CDS1: variants seen among roughly 807,000 people sequenced by gnomAD.
CDS1 encodes phosphatidate cytidylyltransferase 1.
In CDS1, 41 loss-of-function variants were observed where a neutral mutation model predicts 62.1. That is an observed-to-expected ratio of 0.66 (90% CI 0.51 to 0.86). The LOEUF (loss-of-function observed/expected upper bound fraction) is 0.86, where lower values mean the gene tolerates loss of function less well. Among genes scored for constraint, CDS1 ranks in the 40% least tolerant of loss-of-function variants. The pLI is 0.00. For missense variants in CDS1, 470 were observed against 550.1 expected (o/e 0.85, Z 1.46); for synonymous variants, 185 against 192.6 (o/e 0.96, Z 0.32).
intron 1 of CDS1, among the ~76,000 whole-genome samples, chr4:84,593,650 G>T (rs552655015): frequency 6.6e-6 from 1 of 151,902 alleles, no homozygotes; most frequent in Non-Finnish European, 1.5e-5. Flanking sequence ...TATTACAGGC[G>T]CTCTCCACTA....
At chr4:84,613,937 C>G (rs1279622257) in intron 3 of CDS1, among the ~76,000 whole-genome samples, 1 of 152,118 alleles carries the variant, frequency 6.6e-6, no homozygotes. Context: ...GATCAAATTA[C>G]TTTGGAAAAT....
chr4:84,583,270 T>TAC lies in CDS1; in HGVS notation c.-132_-131insAC. On this transcript the variant is annotated 5_prime_UTR_variant, in exon 1 of 13. It removes the in-frame stop codon of an upstream open reading frame in the 5' UTR. Transcript: ENST00000295887. ...GCGGCCGCTCTATGGTGGGGCCGCG[T>TAC]TAGTGGCTGCGGCTCCGCGGGACTC... is the stretch of plus-strand genomic sequence containing the variant. The TAC allele has an allele frequency of 1.6e-6, 1 of 621,410 alleles. No homozygotes were observed. The highest frequency in any genetic ancestry group is 3.3e-5 in the East Asian group (1 of 30,042). 38.5% of individuals were successfully genotyped at this position (621,410 alleles called of 1,614,324 possible).
At chr4:84,606,062 T>C (rs1723083618) in intron 2 of CDS1, among the ~76,000 whole-genome samples, 1 of 152,196 alleles carries the variant, frequency 6.6e-6, no homozygotes, top group South Asian at 2.1e-4. Flanking sequence ...GAAACTTTTC[T>C]ACAAAGATTA....
At chr4:84,643,942 TTAAGTAGAGATTTGAGAAAAGAACTCC>T (rs1724473090) in intron 11 of CDS1, among the ~76,000 whole-genome samples, 1 of 152,124 alleles carries the variant, frequency 6.6e-6, no homozygotes, top group Non-Finnish European at 1.5e-5. Context: ...GAGGTGGCAC[TTAAGTAGAGATTTGAGAAAAGAACTCC>T]TCCAGAGAAA....
chr4:84,583,673 C>T (rs1722326169), intron 1 of CDS1, among the ~76,000 whole-genome samples, 155 bp downstream of exon 1: 1 of 152,156 alleles, frequency 6.6e-6, no homozygotes, highest in African/African-American at 2.4e-5. Context: ...TCCTCCTTCT[C>T]CAGAGGGGGT....
intron 1 of CDS1, among the ~76,000 whole-genome samples, chr4:84,586,494 A>C (rs1166342090): frequency 1.3e-5 from 2 of 152,100 alleles, no homozygotes; most frequent in Admixed American, 6.5e-5. Flanking sequence ...ACAGGGTTCA[A>C]GCTCCTGTGA....
chr4:84,623,913 T>C (rs561438693), intron 5 of CDS1, among the ~76,000 whole-genome samples: 1 of 152,110 alleles, frequency 6.6e-6, no homozygotes, highest in Admixed American at 6.5e-5. Context: ...GTGGCTTGGA[T>C]GGGACAGGCA....
rs1423399981 is a variant in CDS1 at position 84,637,356 on chromosome 4, G to T, written c.811-1568G>T. On this transcript the variant is annotated intron_variant, in intron 8 of 12. Transcript: ENST00000295887. ...CTTTAATTGGCTTATGGTTCTGCAA[G>T]CTGTACAGGAAGCATGGCTGGGGAG... is the stretch of plus-strand genomic sequence containing the variant. Among the ~76,000 whole-genome samples, 4 of 152,156 alleles carry T rather than the reference G, an allele frequency of 2.6e-5. No homozygotes were observed. The East Asian group carries it at 7.7e-4, about 29-fold the overall frequency.
chr4:84,620,510 C>CCA (rs1723650129), intron 5 of CDS1, among the ~76,000 whole-genome samples: 1 of 151,052 alleles, frequency 6.6e-6, no homozygotes, highest in Non-Finnish European at 1.5e-5. Context: ...GCATGAGCCA[C>CCA]CGCGCCTGGC....
chr4:84,604,745 G>A (rs1272685379), intron 2 of CDS1, among the ~76,000 whole-genome samples: 1 of 152,090 alleles, frequency 6.6e-6, no homozygotes, highest in Admixed American at 6.6e-5. Context: ...TTTTTCAAAT[G>A]CCAGACAGAA....
intron 1 of CDS1, among the ~76,000 whole-genome samples, chr4:84,591,787 A>G (rs1268677063): frequency 6.6e-6 from 1 of 152,198 alleles, no homozygotes; most frequent in Non-Finnish European, 1.5e-5. Flanking sequence ...GTAAAGGAGA[A>G]ATCAGATGTG....
Position 84,604,355 on chromosome 4 carries a change from C to A in CDS1, c.230C>A (p.Ser77Tyr). The change falls in exon 2 of 13, where the codon TCT becomes TAT. Residue 77 changes from serine (S) to tyrosine (Y), a missense_variant. Around this residue, in one of 5 missense-constraint regions of CDS1, gnomAD observed 150 missense variants for 142.0 expected, o/e 1.06. Coordinates refer to ENST00000295887, the MANE Select transcript of CDS1 (RefSeq NM_001263.4). ...RTPEILKKAL[S>Y]GLSSRWKNWW... ...CCTGAGATTCTCAAAAAAGCTCTAT[C>A]TGGTTTATCTTCAAGGTATGATTGG... 1 of 1,613,130 alleles carries A rather than the reference C, an allele frequency of 6.2e-7. No individual in the cohort carries two copies. The highest frequency in any genetic ancestry group is 8.5e-7 in the Non-Finnish European group (1 of 1,179,444).
intron 5 of CDS1, among the ~76,000 whole-genome samples, chr4:84,620,218 TG>T (rs1185236298): frequency 0.014 from 2,014 of 143,516 alleles, 55 homozygotes; most frequent in African/African-American, 0.055. Flanking sequence ...GGTAATTAGT[TG>T]TTTTTTTTTT....
At chr4:84,589,625 T>C (rs1722518974) in intron 1 of CDS1, among the ~76,000 whole-genome samples, 1 of 152,232 alleles carries the variant, frequency 6.6e-6, no homozygotes, top group African/African-American at 2.4e-5. Flanking sequence ...TCATTTCATT[T>C]AATAACATTT....
intron 5 of CDS1, among the ~76,000 whole-genome samples, chr4:84,628,504 T>A (rs1723924645): frequency 6.6e-6 from 1 of 152,148 alleles, no homozygotes; most frequent in Non-Finnish European, 1.5e-5. Context: ...CTGACCCCCT[T>A]AAAAATCTTC....
chr4:84,632,461 T>C (rs75357256), intron 6 of CDS1, among the ~76,000 whole-genome samples: 2,847 of 152,308 alleles, frequency 0.019, 84 homozygotes, highest in African/African-American at 0.065. Flanking sequence ...GATCTGTAAA[T>C]TCATGTGATA....
At chr4:84,621,957 T>C (rs1288993189) in intron 5 of CDS1, among the ~76,000 whole-genome samples, 6 of 152,226 alleles carry the variant, frequency 3.9e-5, no homozygotes, top group Admixed American at 2.0e-4. Flanking sequence ...AAGACCATAC[T>C]AAAATTTTGG....
chr4:84,628,931 A>G (rs572807661), intron 5 of CDS1, among the ~76,000 whole-genome samples: 11 of 152,316 alleles, frequency 7.2e-5, no homozygotes, highest in African/African-American at 2.4e-4. Flanking sequence ...AACGAGATGT[A>G]CGTATCTTTG....
In CDS1 at chr4:84,619,457, A is replaced by G. The variant is rs1236200682; in HGVS notation, c.504A>G (p.Thr168=). The G allele has an allele frequency of 2.5e-6, 4 of 1,596,046 alleles. No individual in the cohort carries two copies. The highest frequency in any genetic ancestry group is 1.1e-5 in the South Asian group (1 of 89,734). Residue 168 remains threonine, a synonymous_variant, in exon 5 of 13, where the codon ACA becomes ACG. Transcript: ENST00000295887. ...YGETVADYFA[T]FVQREEQLQF... ...AGACTGTAGCTGATTATTTTGCTAC[A>G]TTTGTTCAAAGAGAAGAACAACTTC...
Sources: gnomAD v4.1 joint callset for allele counts (sites outside exome capture counted in the v4.1 genomes callset) on GRCh38, gnomAD v4.1.1 for gene constraint, gnomAD v4.1.1 regional missense constraint, MANE v1.5 for transcripts, NCBI Gene and HGNC (gene_info 2026-07-23, HGNC 2026-07-21) for gene names.